Variants in CASZ1 observed in about 807,000 individuals in gnomAD.
CASZ1 encodes the protein castor zinc finger 1.
Under a neutral mutation model 135.2 loss-of-function variants are expected in CASZ1, and 28 were observed. The ratio of observed to expected loss-of-function variants is 0.21; its 90% CI spans 0.15 to 0.28. The LOEUF (loss-of-function observed/expected upper bound fraction) is 0.28. Ranked by LOEUF, CASZ1 falls within the 10% of genes least tolerant of loss-of-function variation. The probability of loss-of-function intolerance (pLI) is 1.00; values close to 1 mark genes in which losing one functional copy is unlikely to be tolerated. For missense variants in CASZ1, 2,161 were observed against 2,453.3 expected (o/e 0.88, Z 2.52); for synonymous variants, 1,068 against 1,073.4 (o/e 0.99, Z 0.10).
intron 1 of CASZ1, among the ~76,000 whole-genome samples, chr1:10,764,324 G>C (rs1393833210): frequency 6.6e-6 from 1 of 152,206 alleles, no homozygotes; most frequent in Non-Finnish European, 1.5e-5. Flanking sequence ...AATAAGAATT[G>C]GACCATGTGC....
At chr1:10,660,600 A>G (rs1642990319) in intron 5 of CASZ1, 64 bp from the exon 6 acceptor site, 1 of 1,458,354 alleles carries the variant, frequency 6.9e-7, no homozygotes, top group South Asian at 1.2e-5. Context: ...AGGTCCCCCC[A>G]CTGGGGGCCC....
intron 1 of CASZ1, among the ~76,000 whole-genome samples, chr1:10,771,312 A>T (rs1640572224): frequency 6.6e-6 from 1 of 151,846 alleles, no homozygotes; most frequent in African/African-American, 2.4e-5. Context: ...CTTACTTAGA[A>T]GTTTTTATTA....
chr1:10,642,189 GA>G (rs1375767007), intron 20 of CASZ1: 3 of 152,122 alleles, frequency 2.0e-5, no homozygotes, highest in Non-Finnish European at 2.9e-5. Flanking sequence ...AGAGGCAGGG[GA>G]GGGGGGGGAG....
chr1:10,715,723 T>A (rs1256665258), intron 2 of CASZ1, among the ~76,000 whole-genome samples: 51 of 47,134 alleles, frequency 1.1e-3, no homozygotes, highest in African/African-American at 1.1e-3. Flanking sequence ...CCCAATCCGC[T>A]CCCCACAGCA....
At chr1:10,713,487 G>A (rs1639323236) in intron 2 of CASZ1, among the ~76,000 whole-genome samples, 1 of 152,172 alleles carries the variant, frequency 6.6e-6, no homozygotes, top group African/African-American at 2.4e-5. Flanking sequence ...ATGTGAGGAG[G>A]GGTACCCTGT....
In CASZ1 at chr1:10,706,156, GC is replaced by G. The variant is rs1639168786; in HGVS notation, c.-76-613del. On this transcript the variant is annotated intron_variant, in intron 2 of 20. Transcript: ENST00000377022. The surrounding 1 kb of genome is among the most constrained non-coding windows in gnomAD (Gnocchi z 4.3). ...GGGGTCCTACCCATGAGTCATCACAGCCCATGTCCAGAGACCGTGCAGGGAG... is the reference window on the plus strand; with the variant it reads ...GGGGTCCTACCCATGAGTCATCACAGCCATGTCCAGAGACCGTGCAGGGAG... Among the ~76,000 whole-genome samples the G allele has an allele frequency of 6.6e-6, 1 of 152,240 alleles. No individual in the cohort carries two copies. The highest frequency in any genetic ancestry group is 2.4e-5 in the African/African-American group (1 of 41,476).
chr1:10,703,186 C>T (rs1348354825), intron 3 of CASZ1, among the ~76,000 whole-genome samples: 4 of 152,164 alleles, frequency 2.6e-5, no homozygotes, highest in African/African-American at 4.8e-5. Flanking sequence ...CCTCTGGCCG[C>T]GGCCGCAGCT....
Position 10,709,396 on chromosome 1 carries a change from G to GGCATAGACAACAGGGGCA in CASZ1, c.-76-3870_-76-3853dup, listed in dbSNP as rs1639240053. On this transcript the variant is annotated intron_variant, in intron 2 of 20. Transcript: ENST00000377022. The surrounding 1 kb of genome is among the most constrained non-coding windows in gnomAD (Gnocchi z 5.1). ...AGCCCGGCAGTGTGAGGAGGGGGGC[G>GGCATAGACAACAGGGGCA]GCATAGACAACAGGGGCAGCGTCAT... Among the ~76,000 whole-genome samples, 1 of 152,202 alleles carries GGCATAGACAACAGGGGCA rather than the reference G, an allele frequency of 6.6e-6. No homozygotes were observed. The highest frequency in any genetic ancestry group is 6.5e-5 in the Admixed American group (1 of 15,286).
At position 10,653,465 on chromosome 1, in the gene CASZ1, C is replaced by T; in HGVS notation, c.2592G>A (p.Glu864=). The change falls in exon 11 of 21, where the codon GAG becomes GAA. Residue 864 remains glutamate (E), a synonymous_variant. Transcript: ENST00000377022. ...TGAGGCCCTTGCTTGCAGAGATCCT[C>T]TCCATGATGGAGGCGGGTGGTGCCG... ...SVPAPPASIM[E]RISASKGLIS... is the part of the protein sequence containing the mutation. 1 of 1,613,290 alleles carries T rather than the reference C, an allele frequency of 6.2e-7. No homozygotes were observed. The highest frequency in any genetic ancestry group is 1.3e-5 in the African/African-American group (1 of 75,064).
rs190298163 is a variant in CASZ1 at position 10,649,659 on chromosome 1, G to A, written c.2881-222C>T. The stretch of plus-strand genomic sequence containing the variant: ...CCCAGGAGCTGCGAGGCCTCCTCAG[G>A]GCTCCTCCACATGAGCCCGTGCCGC... On this transcript the variant is annotated intron_variant, in intron 13 of 20. Coordinates refer to ENST00000377022, the MANE Select transcript of CASZ1 (RefSeq NM_001079843.3). 1,203 of 551,376 alleles carry A rather than the reference G, an allele frequency of 2.2e-3. 27 individuals are homozygous for A. The Admixed American group carries it at 0.033, about 15-fold the overall frequency. 34.2% of individuals were successfully genotyped at this position (551,376 alleles called of 1,614,324 possible).
At chr1:10,740,699 C>T (rs997803359) in intron 2 of CASZ1, among the ~76,000 whole-genome samples, 5 of 152,146 alleles carry the variant, frequency 3.3e-5, no homozygotes, top group African/African-American at 4.8e-5. Flanking sequence ...CTGTAATCCC[C>T]GCACTTTGGG....
intron 4 of CASZ1, among the ~76,000 whole-genome samples, chr1:10,674,444 C>T (rs1643499620): frequency 6.6e-6 from 1 of 152,262 alleles, no homozygotes; most frequent in African/African-American, 2.4e-5. Flanking sequence ...GGGCGTCCAG[C>T]CCTCTGAGGC....
chr1:10,667,431 G>T (rs1407266838), intron 4 of CASZ1, among the ~76,000 whole-genome samples: 2 of 152,182 alleles, frequency 1.3e-5, no homozygotes, highest in African/African-American at 4.8e-5. Context: ...CTCTACCCAG[G>T]TTCGTCCACA....
At chr1:10,743,517 G>A (rs1639971071) in intron 2 of CASZ1, among the ~76,000 whole-genome samples, 4 of 151,802 alleles carry the variant, frequency 2.6e-5, no homozygotes, top group Admixed American at 2.0e-4. Flanking sequence ...TGGGCTGGGG[G>A]CCGGGGGAGC....
chr1:10,750,994 G>A lies in CASZ1; in HGVS notation c.-77+9707C>T, dbSNP rs754134414. On this transcript the variant is annotated intron_variant, in intron 2 of 20. Coordinates refer to ENST00000377022, the MANE Select transcript of CASZ1 (RefSeq NM_001079843.3). ...CACTGGAGGATTTGAGAGCTGCTGC[G>A]TGTGGAGTGATCGCCAAGACACCAG... Among the ~76,000 whole-genome samples, 131 of 151,706 alleles carry A rather than the reference G, an allele frequency of 8.6e-4. 1 individual carries two copies. Among genetic ancestry groups the A allele is most frequent in the Non-Finnish European group, 4.6e-4 (31 of 67,934 alleles).
chr1:10,764,165 G>T (rs980341248), intron 1 of CASZ1, among the ~76,000 whole-genome samples: 2 of 152,198 alleles, frequency 1.3e-5, no homozygotes, highest in Non-Finnish European at 2.9e-5. Flanking sequence ...ACCCAGCCCT[G>T]TTGGCTCTTT....
intron 14 of CASZ1, 28 bp from the exon 15 acceptor site, chr1:10,649,220 G>C (rs781353474): frequency 3.4e-5 from 55 of 1,611,624 alleles, no homozygotes; most frequent in Non-Finnish European, 4.5e-5. Flanking sequence ...CGTTAGAGGA[G>C]AGCCTGGGGC....
In CASZ1 at chr1:10,767,413, C is replaced by G. The variant is rs927831778; in HGVS notation, c.-233-6556G>C. On this transcript the variant is annotated intron_variant, in intron 1 of 20. Transcript: ENST00000377022. This position sits in a 1 kb window ranked among gnomAD's most constrained non-coding sequence, Gnocchi z 4.2. The stretch of plus-strand genomic sequence containing the variant: ...CAGCCCTGTAAACAACCTGATTTTC[C>G]GCCTTCCCAGATCCTAGGCAGATCC... Among the ~76,000 whole-genome samples the G allele has an allele frequency of 6.6e-6, 1 of 152,204 alleles. No individual in the cohort carries two copies.
chr1:10,650,944 G>C lies in CASZ1; in HGVS notation c.2813C>G (p.Pro938Arg). ...DRSLDLTVKE[P>R]SNESNGHAVP... ...CCCATAGGGGGCCTCGCCTCACCTG[G>C]GCTCCTTCACAGTCAGGTCTAGACT... The change falls in exon 12 of 21, where the codon CCC (proline) becomes CGC (arginine). Residue 938 changes from proline (P) to arginine (R), a missense_variant. By Grantham distance (103) the Pro-to-Arg change is moderately radical. This residue lies in a region of CASZ1 where 406 missense variants were observed against 387.6 expected (regional missense o/e 1.05). Transcript: ENST00000377022. 12 of 1,604,438 alleles carry C rather than the reference G, an allele frequency of 7.5e-6. No individual in the cohort carries two copies. Among genetic ancestry groups the C allele is most frequent in the Non-Finnish European group, 1.0e-5 (12 of 1,177,672 alleles).
Sources: allele counts gnomAD v4.1 joint callset (sites outside exome capture counted in the v4.1 genomes callset), GRCh38; gene constraint gnomAD v4.1.1; regional missense constraint gnomAD v4.1.1; non-coding constraint Gnocchi (gnomAD v3.1); transcripts MANE v1.5; gene names NCBI Gene and HGNC (gene_info 2026-07-23, HGNC 2026-07-21).